PPP3CA: variants seen among roughly 807,000 people sequenced by gnomAD.
PPP3CA encodes the protein CAM-PRP catalytic subunit.
A neutral mutation model predicts 66.5 loss-of-function variants in PPP3CA; 14 were observed. That is an observed-to-expected ratio of 0.21 (90% CI 0.14 to 0.33). The LOEUF is 0.33. Among genes scored for constraint, PPP3CA ranks in the 10% least tolerant of loss-of-function variants. The pLI is 1.00. For synonymous variants in PPP3CA, 232 were observed against 226.2 expected (o/e 1.03, Z -0.23); for missense variants, 317 against 639.5 (o/e 0.50, Z 5.44).
intron 2 of PPP3CA, among the ~76,000 whole-genome samples, chr4:101,164,003 C>T (rs111288492): frequency 2.5e-3 from 80 of 32,464 alleles, no homozygotes; most frequent in African/African-American, 0.01. Flanking sequence ...TTTTTAGAGA[C>T]GAGGTCTTGC....
intron 11 of PPP3CA, among the ~76,000 whole-genome samples, chr4:101,034,055 G>A (rs1727133546): frequency 6.6e-6 from 1 of 152,042 alleles, no homozygotes; most frequent in East Asian, 1.9e-4. Flanking sequence ...CCTGTCACTT[G>A]TGTATTCAGA....
chr4:101,185,431 A>G (rs1480481437), intron 2 of PPP3CA, among the ~76,000 whole-genome samples: 1 of 152,204 alleles, frequency 6.6e-6, no homozygotes, highest in African/African-American at 2.4e-5. Context: ...ACAGTACTTG[A>G]AAGCAACTTC....
chr4:101,073,923 G>T (rs16996706), intron 8 of PPP3CA, among the ~76,000 whole-genome samples: 1 of 152,054 alleles, frequency 6.6e-6, no homozygotes, highest in African/African-American at 2.4e-5. Context: ...AAGTGATCTG[G>T]GGCAAACAAG....
chr4:101,271,122 A>T (rs1727324615), intron 1 of PPP3CA, among the ~76,000 whole-genome samples: 1 of 152,088 alleles, frequency 6.6e-6, no homozygotes, highest in Admixed American at 6.6e-5. Context: ...TTCTCCAAAT[A>T]ACAGCACTCC....
chr4:101,294,947 G>C (rs1010058266), intron 1 of PPP3CA, among the ~76,000 whole-genome samples: 1 of 152,122 alleles, frequency 6.6e-6, no homozygotes, highest in Non-Finnish European at 1.5e-5. Context: ...ACAAGGTAAA[G>C]CTATGGGATC....
chr4:101,102,107 C>T (rs1485039418), intron 3 of PPP3CA, among the ~76,000 whole-genome samples: 5 of 152,154 alleles, frequency 3.3e-5, no homozygotes, highest in Non-Finnish European at 5.9e-5. Context: ...TATATATTTA[C>T]ACCTTTTAAA....
chr4:101,277,658 G>A (rs889350148), intron 1 of PPP3CA, among the ~76,000 whole-genome samples: 1 of 152,044 alleles, frequency 6.6e-6, no homozygotes, highest in Admixed American at 6.5e-5. Context: ...TAGCAAAAAT[G>A]CTCCCCAAAA....
chr4:101,263,032 A>C (rs1727056121), intron 1 of PPP3CA, among the ~76,000 whole-genome samples: 1 of 152,228 alleles, frequency 6.6e-6, no homozygotes, highest in Non-Finnish European at 1.5e-5. Flanking sequence ...CTTATGATGC[A>C]CAATGCAGTG....
chr4:101,085,366 C>T (rs1729619213), intron 6 of PPP3CA, among the ~76,000 whole-genome samples: 3 of 152,172 alleles, frequency 2.0e-5, no homozygotes, highest in Admixed American at 2.0e-4. Context: ...ACAACTTACA[C>T]TATTCTTAAG....
chr4:101,322,664 C>G (rs950032344), intron 1 of PPP3CA, among the ~76,000 whole-genome samples: 1 of 152,126 alleles, frequency 6.6e-6, no homozygotes, highest in Non-Finnish European at 1.5e-5. Flanking sequence ...TCCGACCCAG[C>G]CTCCCAAAGA....
At chr4:101,346,207 G>A (rs1356256385) in intron 1 of PPP3CA, among the ~76,000 whole-genome samples, 2 of 152,012 alleles carry the variant, frequency 1.3e-5, no homozygotes, top group Non-Finnish European at 1.5e-5. Flanking sequence ...GGGGGAGGGG[G>A]GCGCGGAGGG....
chr4:101,328,466 T>C (rs1247350397), intron 1 of PPP3CA, among the ~76,000 whole-genome samples: 1 of 152,180 alleles, frequency 6.6e-6, no homozygotes, highest in Non-Finnish European at 1.5e-5. Context: ...TGAAACCACA[T>C]AACTCCCTCC....
intron 10 of PPP3CA, among the ~76,000 whole-genome samples, chr4:101,047,543 T>C (rs72681033): frequency 1.3e-5 from 2 of 152,098 alleles, no homozygotes; most frequent in Non-Finnish European, 2.9e-5. Flanking sequence ...AGAAATCTTA[T>C]ATTATTCTTT....
In PPP3CA at chr4:101,087,769, G is replaced by A. The variant is rs80354636; in HGVS notation, c.783-4506C>T. On this transcript the variant is annotated intron_variant, in intron 6 of 13. Coordinates refer to ENST00000394854, the MANE Select transcript of PPP3CA (RefSeq NM_000944.5). ...TGTTATGATTAACCTTGCACATGTC[G>A]TTTGATGCACTTATAGAGACATTTC... is the stretch of plus-strand genomic sequence containing the variant. 6.2e-3 allele frequency among the ~76,000 whole-genome samples: 949 copies of A among 152,154 alleles called. 12 individuals carry two copies. Among genetic ancestry groups the A allele is most frequent in the Middle Eastern group, 0.041 (12 of 292 alleles).
chr4:101,208,257 GATATA>G (rs1725195883), intron 1 of PPP3CA, among the ~76,000 whole-genome samples: 1 of 152,108 alleles, frequency 6.6e-6, no homozygotes, highest in Non-Finnish European at 1.5e-5. Flanking sequence ...ACAATCAGAT[GATATA>G]AGTGTGTGCT....
In PPP3CA at chr4:101,124,623, GAGAAAGAAAGAAAA is replaced by G. The variant is rs375181956; in HGVS notation, c.260-15559_260-15546del. 8.5e-3 allele frequency among the ~76,000 whole-genome samples: 1,192 copies of G among 139,602 alleles called. 15 individuals are homozygous for G. Among genetic ancestry groups the G allele is most frequent in the South Asian group, 0.014 (60 of 4,312 alleles). The allele number at this position is 139,602 out of a possible 152,430, so 91.6% of individuals were successfully genotyped here. ...GACTCTGTCTCAAAAAAAGAAAAAAGAGAAAGAAAGAAAAAGAAAGAAAGAGAGGGAGAGAGAGA... is the reference window on the plus strand; with the variant it reads ...GACTCTGTCTCAAAAAAAGAAAAAAGAGAAAGAAAGAGAGGGAGAGAGAGA... On this transcript the variant is annotated intron_variant, in intron 2 of 13. Transcript: ENST00000394854.
intron 2 of PPP3CA, among the ~76,000 whole-genome samples, chr4:101,151,830 G>T (rs1369805011): frequency 6.6e-6 from 1 of 151,250 alleles, no homozygotes; most frequent in African/African-American, 2.4e-5. Flanking sequence ...CTAATTTTTT[G>T]TATTTTTAGT....
intron 3 of PPP3CA, among the ~76,000 whole-genome samples, chr4:101,102,879 T>C (rs1414001133): frequency 6.6e-6 from 1 of 152,208 alleles, no homozygotes; most frequent in Non-Finnish European, 1.5e-5. Context: ...CATGGTGAGA[T>C]GTAAATGAGG....
At chr4:101,040,198 C>A (rs1025885883) in intron 11 of PPP3CA, among the ~76,000 whole-genome samples, 2 of 152,030 alleles carry the variant, frequency 1.3e-5, no homozygotes, top group Non-Finnish European at 2.9e-5. Context: ...AGATATTCAA[C>A]CTACCGTGAA....
Sources: gnomAD v4.1 joint callset for allele counts (sites outside exome capture counted in the v4.1 genomes callset) on GRCh38, gnomAD v4.1.1 for gene constraint, MANE v1.5 for transcripts, NCBI Gene and HGNC (gene_info 2026-07-23, HGNC 2026-07-21) for gene names.